The following CLIP4 variants were observed in gnomAD, a reference collection of about 807,000 sequenced individuals.
CLIP4 encodes the protein CAP-Gly domain containing linker protein family member 4.
A neutral mutation model predicts 73.1 loss-of-function variants in CLIP4; 47 were observed. The observed-to-expected ratio is 0.64, with a 90% confidence interval of 0.51 to 0.82. The LOEUF is 0.82. Among genes scored for constraint, CLIP4 ranks in the 40% least tolerant of loss-of-function variants. The pLI is 0.00. For synonymous variants in CLIP4, 306 were observed against 295.4 expected (o/e 1.04, Z -0.37); for missense variants, 874 against 852.9 (o/e 1.02, Z -0.31).
chr2:29,158,945 C>T (rs1446518997), intron 11 of CLIP4, among the ~76,000 whole-genome samples: 1 of 152,126 alleles, frequency 6.6e-6, no homozygotes, highest in African/African-American at 2.4e-5. Context: ...CTGTGTCCCA[C>T]TGTTGAACTT....
intron 5 of CLIP4, among the ~76,000 whole-genome samples, chr2:29,134,521 C>G (rs1338917283): frequency 2.0e-5 from 3 of 152,130 alleles, no homozygotes; most frequent in Non-Finnish European, 4.4e-5. Context: ...TGTCCATTTT[C>G]TCTTTAAAAT....
chr2:29,117,948 T>C (rs2148455018), intron 1 of CLIP4, among the ~76,000 whole-genome samples: 1 of 152,380 alleles, frequency 6.6e-6, no homozygotes, highest in East Asian at 1.9e-4. Context: ...TTTCAATTTT[T>C]AATTCTCTCT....
intron 6 of CLIP4, among the ~76,000 whole-genome samples, chr2:29,140,739 C>T (rs1236197334): frequency 6.6e-6 from 1 of 152,190 alleles, no homozygotes; most frequent in Non-Finnish European, 1.5e-5. Flanking sequence ...TCTCCAGCAC[C>T]TGTTGTTTCC....
chr2:29,140,215 G>C (rs903160724), intron 6 of CLIP4, among the ~76,000 whole-genome samples: 2 of 152,116 alleles, frequency 1.3e-5, no homozygotes, highest in Admixed American at 6.5e-5. Flanking sequence ...ATCTCCTAAA[G>C]CTATCCCTCC....
rs1371806710 is a variant in CLIP4 at position 29,182,862 on chromosome 2, A to G, written c.*969A>G. Reference sequence around the variant, plus strand: ...TCCTGGGATATGAGAAACATTTTAAAAAACGTATTTAACAGAAGAGAGCAA... The same window carrying G: ...TCCTGGGATATGAGAAACATTTTAAGAAACGTATTTAACAGAAGAGAGCAA... On this transcript the variant is annotated 3_prime_UTR_variant, in exon 16 of 16. Coordinates refer to ENST00000320081, the MANE Select transcript of CLIP4 (RefSeq NM_024692.6). 1.3e-5 allele frequency: 2 copies of G among 152,680 alleles called. No homozygotes were observed. The highest frequency in any genetic ancestry group is 2.9e-5 in the Non-Finnish European group (2 of 68,040). The allele number at this position is 152,680 out of a possible 1,614,324, so 9.5% of individuals were successfully genotyped here.
At chr2:29,179,460 G>A (rs1467114710) in intron 15 of CLIP4, among the ~76,000 whole-genome samples, 1 of 152,236 alleles carries the variant, frequency 6.6e-6, no homozygotes, top group East Asian at 1.9e-4. Flanking sequence ...CCTGGCCTTT[G>A]TGCTTATACA....
At chr2:29,158,416 A>G (rs1558564790) in intron 11 of CLIP4, among the ~76,000 whole-genome samples, 1 of 151,768 alleles carries the variant, frequency 6.6e-6, no homozygotes, top group Non-Finnish European at 1.5e-5. Context: ...GCGTGCCTAT[A>G]TATTTACCAT....
intron 13 of CLIP4, among the ~76,000 whole-genome samples, chr2:29,165,803 T>C (rs965038924): frequency 6.6e-6 from 1 of 152,194 alleles, no homozygotes; most frequent in Non-Finnish European, 1.5e-5. Context: ...GTTCAGTGGT[T>C]TTATGCTGTA....
chr2:29,167,668 G>T (rs1667715257), intron 14 of CLIP4, 128 bp downstream of exon 14: 1 of 599,768 alleles, frequency 1.7e-6, no homozygotes, highest in Non-Finnish European at 2.7e-6. Flanking sequence ...TGTAATAATA[G>T]AACAAACATC....
rs1663728905 is a variant in CLIP4 at position 29,115,535 on chromosome 2, T to G, written c.-146T>G. On this transcript the variant is annotated 5_prime_UTR_variant, in exon 1 of 16. Coordinates refer to ENST00000320081, the MANE Select transcript of CLIP4 (RefSeq NM_024692.6). The surrounding 1 kb of genome is among the most constrained non-coding windows in gnomAD (Gnocchi z 5.1). ...AGGCAGCGGGAGGGGCCCGGAGAGG[T>G]GTGGAGCGGCGCGGCGGGAGGCTCC... is the stretch of plus-strand genomic sequence containing the variant. The G allele has an allele frequency of 6.8e-6, 1 of 146,510 alleles. No homozygotes were observed. Among genetic ancestry groups the G allele is most frequent in the Non-Finnish European group, 1.5e-5 (1 of 65,984 alleles). The allele number at this position is 146,510 out of a possible 1,614,324, so 9.1% of individuals were successfully genotyped here.
intron 10 of CLIP4, 59 bp downstream of exon 10, chr2:29,156,502 A>G (rs933489283): frequency 1.6e-6 from 2 of 1,234,094 alleles, no homozygotes; most frequent in South Asian, 1.4e-5. Context: ...ACTTTAAAAT[A>G]TGGTAGGAAA....
rs375140358 is a variant in CLIP4 at position 29,154,260 on chromosome 2, A to G, written c.1165+1432A>G. ...GAAAGCTCCAAGAGAAGCCCCCTCT[A>G]TTTCTGGTCTGAGGAGCAGAAAAGG... is the stretch of plus-strand genomic sequence containing the variant. On this transcript the variant is annotated intron_variant, in intron 9 of 15. Coordinates refer to ENST00000320081, the MANE Select transcript of CLIP4 (RefSeq NM_024692.6). Among the ~76,000 whole-genome samples, 44 of 152,266 alleles carry G rather than the reference A, an allele frequency of 2.9e-4. 1 individual carries two copies. The highest frequency in any genetic ancestry group is 1.1e-3 in the African/African-American group (44 of 41,556).
At chr2:29,128,021 A>G (rs904948382) in intron 2 of CLIP4, among the ~76,000 whole-genome samples, 16 of 152,294 alleles carry the variant, frequency 1.1e-4, no homozygotes, top group East Asian at 3.9e-4. Flanking sequence ...TAATATAGTC[A>G]TACAAAAATA....
intron 1 of CLIP4, among the ~76,000 whole-genome samples, chr2:29,106,657 T>C (rs76303695): frequency 0.011 from 1,702 of 152,284 alleles, 26 homozygotes; most frequent in African/African-American, 0.038. Context: ...CTCTCTATTT[T>C]ACTAGGAAAC....
At chr2:29,152,850 A>G (rs1297970569) in intron 9 of CLIP4, 22 bp downstream of exon 9, 2 of 1,608,500 alleles carry the variant, frequency 1.2e-6, no homozygotes, top group South Asian at 2.2e-5. Flanking sequence ...CAGAAAGTTA[A>G]CCATCTGCTT....
At chr2:29,130,026 A>G (rs1664862480) in intron 2 of CLIP4, 1 of 470,928 alleles carries the variant, frequency 2.1e-6, no homozygotes, top group Non-Finnish European at 4.4e-6. Context: ...CCCCTTTTGA[A>G]CAGAATAGGT....
chr2:29,133,544 T>C (rs889482638), intron 4 of CLIP4, 111 bp from the exon 5 acceptor site: 12 of 926,624 alleles, frequency 1.3e-5, no homozygotes, highest in Admixed American at 5.9e-5. Context: ...TTTTGAAGTG[T>C]GTCTATACAG....
At chr2:29,158,801 T>A (rs1667104700) in intron 11 of CLIP4, among the ~76,000 whole-genome samples, 1 of 152,214 alleles carries the variant, frequency 6.6e-6, no homozygotes, top group African/African-American at 2.4e-5. Flanking sequence ...GACAAGGTCT[T>A]GCTGTGTCGC....
intron 2 of CLIP4, among the ~76,000 whole-genome samples, chr2:29,125,211 C>T (rs1011680911): frequency 3.3e-5 from 5 of 152,172 alleles, no homozygotes; most frequent in Admixed American, 6.5e-5. Context: ...CCCCCTACCC[C>T]GGCCCCTGGT....
Sources: allele counts gnomAD v4.1 joint callset (sites outside exome capture counted in the v4.1 genomes callset), GRCh38; gene constraint gnomAD v4.1.1; non-coding constraint Gnocchi (gnomAD v3.1); transcripts MANE v1.5; gene names NCBI Gene and HGNC (gene_info 2026-07-23, HGNC 2026-07-21).